Variants in CSMD1 observed in about 807,000 individuals in gnomAD.
CSMD1 encodes the protein CUB and Sushi multiple domains 1.
A neutral mutation model predicts 417.5 loss-of-function variants in CSMD1; 213 were observed. The observed-to-expected ratio is 0.51, with a 90% CI of 0.46 to 0.57. The LOEUF (loss-of-function observed/expected upper bound fraction) is 0.57, where lower values mean the gene tolerates loss of function less well. CSMD1 is among the 20% of genes least tolerant of loss of function. The pLI, the probability that CSMD1 is intolerant of heterozygous loss-of-function variation, is 0.00. For missense variants in CSMD1, 6,923 were observed against 4,529.7 expected (o/e 1.53, Z -15.17); for synonymous variants, 2,862 against 1,736.8 (o/e 1.65, Z -16.11).
intron 4 of CSMD1, among the ~76,000 whole-genome samples, chr8:3,998,866 T>C (rs948576255): frequency 6.7e-6 from 1 of 150,096 alleles, no homozygotes; most frequent in South Asian, 2.1e-4. Flanking sequence ...TTAAACTATA[T>C]ATAGTTGATA....
chr8:4,142,705 G>T (rs920015157), intron 3 of CSMD1, among the ~76,000 whole-genome samples: 3 of 151,072 alleles, frequency 2.0e-5, no homozygotes, highest in Admixed American at 2.0e-4. Flanking sequence ...GAGGTTTAGG[G>T]CATTCCTAGA....
chr8:3,981,942 C>T (rs1281025868), intron 5 of CSMD1, among the ~76,000 whole-genome samples: 1 of 151,956 alleles, frequency 6.6e-6, no homozygotes, highest in Non-Finnish European at 1.5e-5. Flanking sequence ...GAGGCCGAGG[C>T]AGGTGGATCA....
At chr8:3,163,903 C>T (rs1266398236) in intron 37 of CSMD1, among the ~76,000 whole-genome samples, 1 of 152,172 alleles carries the variant, frequency 6.6e-6, no homozygotes, top group African/African-American at 2.4e-5. Flanking sequence ...AGCCTGGCTG[C>T]AGAGTTGCAC....
chr8:3,374,060 C>G (rs564961436), intron 18 of CSMD1, among the ~76,000 whole-genome samples: 4 of 150,508 alleles, frequency 2.7e-5, no homozygotes, highest in Non-Finnish European at 5.9e-5. Flanking sequence ...TCAAGCAATT[C>G]TCCTCCCTCA....
chr8:3,657,309 G>C (rs369649499), intron 7 of CSMD1, among the ~76,000 whole-genome samples: 160 of 152,130 alleles, frequency 1.1e-3, no homozygotes, highest in African/African-American at 3.6e-3. Flanking sequence ...ATTTACAATA[G>C]CTACAAATAA....
chr8:3,612,822 A>C (rs1801957478), intron 8 of CSMD1, among the ~76,000 whole-genome samples: 1 of 152,094 alleles, frequency 6.6e-6, no homozygotes, highest in African/African-American at 2.4e-5. Flanking sequence ...ACATTTAGAA[A>C]GAATAAAGGT....
chr8:4,048,549 G>T (rs57213574), intron 3 of CSMD1, among the ~76,000 whole-genome samples: 5,795 of 152,208 alleles, frequency 0.038, 347 homozygotes, highest in African/African-American at 0.12. Flanking sequence ...CAAGTAAAAG[G>T]GAGAGCCAGG....
chr8:4,618,322 G>A (rs553065192), intron 2 of CSMD1, among the ~76,000 whole-genome samples: 2 of 151,964 alleles, frequency 1.3e-5, no homozygotes, highest in Middle Eastern at 3.4e-3. Context: ...GGAAATCCAG[G>A]AAGCCCAGCT....
chr8:3,139,453 G>C (rs572817591), intron 41 of CSMD1, among the ~76,000 whole-genome samples: 3 of 152,286 alleles, frequency 2.0e-5, no homozygotes, highest in African/African-American at 7.2e-5. Context: ...CATGCTGGAT[G>C]TCACCAGGAG....
chr8:3,888,277 C>G (rs768942637), intron 5 of CSMD1, among the ~76,000 whole-genome samples: 1 of 152,114 alleles, frequency 6.6e-6, no homozygotes, highest in Non-Finnish European at 1.5e-5. Context: ...AAATGCCAAA[C>G]CCTTGTTAAC....
intron 1 of CSMD1, among the ~76,000 whole-genome samples, chr8:4,771,276 T>C: frequency 6.6e-6 from 1 of 152,212 alleles, no homozygotes; most frequent in East Asian, 1.9e-4. Context: ...AAGTTTCTAA[T>C]ACCAATGTTC....
chr8:4,650,242 G>C (rs1803806505), intron 1 of CSMD1, among the ~76,000 whole-genome samples: 1 of 151,320 alleles, frequency 6.6e-6, no homozygotes, highest in African/African-American at 2.4e-5. Context: ...CTACTCGGGA[G>C]GCTGAGGCAG....
At chr8:4,132,620 G>T (rs1447624620) in intron 3 of CSMD1, among the ~76,000 whole-genome samples, 3 of 152,062 alleles carry the variant, frequency 2.0e-5, no homozygotes, top group Admixed American at 6.6e-5. Flanking sequence ...ACAGTGTTTG[G>T]CATTCATTCT....
At chr8:4,720,840 G>C (rs796261554) in intron 1 of CSMD1, among the ~76,000 whole-genome samples, 1 of 152,156 alleles carries the variant, frequency 6.6e-6, no homozygotes, top group African/African-American at 2.4e-5. Context: ...CAGAAGGAAA[G>C]TCTAGAAGCC....
chr8:3,586,307 G>C, intron 8 of CSMD1, 47 bp from the exon 9 acceptor site: 1 of 1,476,910 alleles, frequency 6.8e-7, no homozygotes. Context: ...ATTTACAGAA[G>C]ACTTCTTTAG....
chr8:4,682,943 A>G (rs1404357872), intron 1 of CSMD1, among the ~76,000 whole-genome samples: 2 of 130,276 alleles, frequency 1.5e-5, no homozygotes, highest in Non-Finnish European at 3.2e-5. Flanking sequence ...CTTTAGGAGC[A>G]ATAAGTATCT....
At position 4,361,848 on chromosome 8, in the gene CSMD1, G is replaced by C. The variant is rs531293215; in HGVS notation, c.415+58105C>G. Among the ~76,000 whole-genome samples the C allele has an allele frequency of 4.6e-5, 7 of 152,194 alleles. No homozygotes were observed. The South Asian group carries it at 8.3e-4, about 18-fold the overall frequency. On this transcript the variant is annotated intron_variant, in intron 3 of 69. Transcript: ENST00000635120. ...GGGGCGCCTGTACTCCCAGCTATTT[G>C]GGAGGCTAAGGCAGAAGAATTGCTT...
rs565372174 is a variant in CSMD1, at chr8:3,370,322, G to T, written c.2783-952C>A. On this transcript the variant is annotated intron_variant, in intron 18 of 69. Coordinates refer to ENST00000635120, the MANE Select transcript of CSMD1 (RefSeq NM_033225.6). ...GGAAATGGAGTCACCAGAGCCGGAG[G>T]GTAGAGGCAGGAAAGGCAACTGCCG... Among the ~76,000 whole-genome samples the T allele has an allele frequency of 3.3e-5, 5 of 152,300 alleles. No homozygotes were observed. The South Asian group carries it at 1.0e-3, about 32-fold the overall frequency.
intron 3 of CSMD1, among the ~76,000 whole-genome samples, chr8:4,278,701 C>A (rs1796619590): frequency 6.6e-6 from 1 of 152,122 alleles, no homozygotes; most frequent in Non-Finnish European, 1.5e-5. Context: ...AAATGGCTAA[C>A]AAAACCAGCT....
Sources: allele counts gnomAD v4.1 joint callset (sites outside exome capture counted in the v4.1 genomes callset), GRCh38; gene constraint gnomAD v4.1.1; transcripts MANE v1.5; gene names NCBI Gene and HGNC (gene_info 2026-07-23, HGNC 2026-07-21).